SGCZ: variants seen among roughly 807,000 people sequenced by gnomAD.
SGCZ encodes zeta-sarcoglycan.
A neutral mutation model predicts 41.3 loss-of-function variants in SGCZ; 40 were observed. The ratio of observed to expected loss-of-function variants is 0.97; its 90% CI spans 0.75 to 1.26. SGCZ has a LOEUF of 1.26. Among genes scored for constraint, SGCZ ranks in the 50% most tolerant of loss-of-function variants. SGCZ has a pLI of 0.00. For synonymous variants in SGCZ, 206 were observed against 137.5 expected (o/e 1.50, Z -3.49); for missense variants, 552 against 369.8 (o/e 1.49, Z -4.04).
intron 1 of SGCZ, among the ~76,000 whole-genome samples, chr8:14,607,961 A>T (rs1805806031): frequency 6.6e-6 from 1 of 152,192 alleles, no homozygotes; most frequent in African/African-American, 2.4e-5. Flanking sequence ...AAAAGACAAA[A>T]ACCAGCTATT....
intron 2 of SGCZ, among the ~76,000 whole-genome samples, chr8:14,399,523 G>C (rs78702283): frequency 6.6e-6 from 1 of 151,468 alleles, no homozygotes; most frequent in Non-Finnish European, 1.5e-5. Flanking sequence ...ATTTGTTAAA[G>C]AAAAAAAAGT....
At chr8:14,270,455 G>C (rs928064803) in intron 3 of SGCZ, among the ~76,000 whole-genome samples, 2 of 152,122 alleles carry the variant, frequency 1.3e-5, no homozygotes, top group African/African-American at 4.8e-5. Context: ...ATTTTAAAAT[G>C]AACCGATACG....
intron 6 of SGCZ, among the ~76,000 whole-genome samples, chr8:14,107,799 C>T (rs1023692990): frequency 2.0e-5 from 3 of 151,916 alleles, no homozygotes; most frequent in African/African-American, 2.4e-5. Context: ...CCACCATGCT[C>T]GGCTAATTTG....
chr8:14,501,787 C>G (rs55677382), intron 2 of SGCZ, among the ~76,000 whole-genome samples: 33,164 of 151,656 alleles, frequency 0.22, 3,641 homozygotes, highest in South Asian at 0.28. Context: ...ATTCTAAATA[C>G]AACTCCAAAA....
At chr8:14,580,180 C>G (rs1024486206) in intron 1 of SGCZ, among the ~76,000 whole-genome samples, 1 of 152,036 alleles carries the variant, frequency 6.6e-6, no homozygotes, top group Non-Finnish European at 1.5e-5. Flanking sequence ...GCAAATGCAG[C>G]CTAAGAGTAA....
intron 1 of SGCZ, among the ~76,000 whole-genome samples, chr8:14,764,839 A>T (rs1326441516): frequency 2.6e-5 from 4 of 152,350 alleles, no homozygotes; most frequent in Non-Finnish European, 4.4e-5. Flanking sequence ...TATGTAGAAG[A>T]GTATTATTTT....
At chr8:14,681,509 T>C (rs528556447) in intron 1 of SGCZ, among the ~76,000 whole-genome samples, 7 of 152,340 alleles carry the variant, frequency 4.6e-5, no homozygotes, top group Non-Finnish European at 7.4e-5. Flanking sequence ...AGATACCACC[T>C]ATGTATATGT....
At chr8:14,322,460 T>C (rs55741930) in intron 3 of SGCZ, among the ~76,000 whole-genome samples, 1,942 of 152,174 alleles carry the variant, frequency 0.013, 42 homozygotes, top group African/African-American at 0.039. Flanking sequence ...GACTCCATCC[T>C]CTATGGTCCA....
rs528781065 is a variant in SGCZ, at chr8:14,299,113, G to A, written c.336+24990C>T. ...AGAAAGAAAAGTCTTTTAAACAAAT[G>A]GAGTTGAGTATGGAAAAAGTACACA... On this transcript the variant is annotated intron_variant, in intron 3 of 7. Coordinates refer to ENST00000382080, the MANE Select transcript of SGCZ (RefSeq NM_139167.4). Among the ~76,000 whole-genome samples, 124 of 152,152 alleles carry A rather than the reference G, an allele frequency of 8.1e-4. 1 individual carries two copies. The highest frequency in any genetic ancestry group is 6.2e-3 in the South Asian group (30 of 4,818).
rs1463064776 is a variant in SGCZ, at chr8:14,403,256, C to G, written c.235-79052G>C. Reference sequence around the variant, plus strand: ...GCAAACAGGGACAATTTGACTTCCTCTTTTCCTAATTGAATACCCTTTATT... The same window carrying G: ...GCAAACAGGGACAATTTGACTTCCTGTTTTCCTAATTGAATACCCTTTATT... On this transcript the variant is annotated intron_variant, in intron 2 of 7. Transcript: ENST00000382080. 2.7e-4 allele frequency among the ~76,000 whole-genome samples: 41 copies of G among 150,350 alleles called. 4 individuals are homozygous for G. The highest frequency in any genetic ancestry group is 1.0e-3 in the African/African-American group (41 of 39,680).
At chr8:14,463,577 T>A (rs1458124984) in intron 2 of SGCZ, among the ~76,000 whole-genome samples, 2 of 151,592 alleles carry the variant, frequency 1.3e-5, no homozygotes, top group East Asian at 3.9e-4. Context: ...TGACACTGGA[T>A]TTGGTAATGA....
chr8:15,176,882 T>A (rs1055948469), intron 1 of SGCZ, among the ~76,000 whole-genome samples: 1 of 152,082 alleles, frequency 6.6e-6, no homozygotes, highest in Non-Finnish European at 1.5e-5. Flanking sequence ...GCGCCTGTAG[T>A]CCCAGCTACT....
intron 2 of SGCZ, among the ~76,000 whole-genome samples, chr8:14,340,057 G>A (rs560977567): frequency 8.5e-5 from 13 of 152,170 alleles, no homozygotes; most frequent in African/African-American, 2.4e-4. Flanking sequence ...TCTTCTACAC[G>A]TGAAGTTAAA....
intron 3 of SGCZ, among the ~76,000 whole-genome samples, chr8:14,282,102 T>A (rs1800465097): frequency 6.7e-6 from 1 of 149,170 alleles, no homozygotes; most frequent in African/African-American, 2.5e-5. Context: ...ACAAGGAATT[T>A]AATAAAAGTT....
At position 14,829,758 on chromosome 8, in the gene SGCZ, T is replaced by A. The variant is rs558401547; in HGVS notation, c.40-274832A>T. ...TTAACTGATTATTTAAGGGTTTTTT[T>A]AAAAAAAATCATAAAACTTGTAAAG... On this transcript the variant is annotated intron_variant, in intron 1 of 7. Transcript: ENST00000382080. Among the ~76,000 whole-genome samples the A allele has an allele frequency of 6.2e-4, 95 of 152,136 alleles. 1 individual carries two copies. Among genetic ancestry groups the A allele is most frequent in the African/African-American group, 1.8e-3 (73 of 41,474 alleles).
At chr8:14,813,703 A>G (rs890965243) in intron 1 of SGCZ, among the ~76,000 whole-genome samples, 9 of 152,092 alleles carry the variant, frequency 5.9e-5, no homozygotes, top group Non-Finnish European at 1.2e-4. Context: ...TGTAATCCCA[A>G]CACTTTCGGA....
intron 3 of SGCZ, chr8:14,309,386 C>A: frequency 1.2e-6 from 2 of 1,605,204 alleles, no homozygotes; most frequent in Non-Finnish European, 1.7e-6. Context: ...TCAGCAGAGA[C>A]GAAGTGACCT....
At chr8:14,782,197 C>G (rs1800612373) in intron 1 of SGCZ, among the ~76,000 whole-genome samples, 1 of 152,148 alleles carries the variant, frequency 6.6e-6, no homozygotes, top group South Asian at 2.1e-4. Context: ...AATCTATAAT[C>G]TATGCTAAAA....
chr8:14,097,175 A>G (rs746668435), intron 7 of SGCZ, among the ~76,000 whole-genome samples: 5 of 151,652 alleles, frequency 3.3e-5, no homozygotes, highest in African/African-American at 7.3e-5. Context: ...TGGTTCTTTT[A>G]ATTGTGATGT....
Sources: gnomAD v4.1 joint callset for allele counts (sites outside exome capture counted in the v4.1 genomes callset) on GRCh38, gnomAD v4.1.1 for gene constraint, MANE v1.5 for transcripts, NCBI Gene and HGNC (gene_info 2026-07-23, HGNC 2026-07-21) for gene names.